Variants in FSIP2 observed in about 807,000 individuals in gnomAD.
FSIP2 encodes the protein fibrous sheath-interacting protein 2.
A neutral mutation model predicts 510.5 loss-of-function variants in FSIP2; 367 were observed. The ratio of observed to expected loss-of-function variants is 0.72; its 90% CI spans 0.66 to 0.78. The LOEUF is 0.78. Among genes scored for constraint, FSIP2 ranks in the 30% least tolerant of loss-of-function variants. The pLI is 0.00. For synonymous variants in FSIP2, 2,601 were observed against 2,732.2 expected, an observed-to-expected ratio of 0.95 and a Z score of 1.50; for missense variants, 7,594 against 7,901.7, an observed-to-expected ratio of 0.96 and a Z score of 1.48.
Position 185,803,606 on chromosome 2 carries a change from G to A in FSIP2, c.14300G>A (p.Arg4767Lys). Residue 4767 changes from arginine (R) to lysine (K), a missense_variant, in exon 17 of 23, where the codon AGA becomes AAA. Physicochemically the swap from Arg to Lys is conservative, Grantham distance 26. Transcript: ENST00000424728. ...CTCAGTGCAAATGTTTTAATACAAA[G>A]AGTTCAATATGATATAAGTAAATCA... is the stretch of plus-strand genomic sequence containing the variant. ...SKLSANVLIQ[R>K]VQYDISKSRF... 1 of 1,530,862 alleles carries A rather than the reference G, an allele frequency of 6.5e-7. No homozygotes were observed. Among genetic ancestry groups the A allele is most frequent in the Admixed American group, 2.0e-5 (1 of 50,578 alleles). 94.8% of individuals were successfully genotyped at this position (1,530,862 alleles called of 1,614,324 possible).
chr2:185,746,824 A>G lies in FSIP2; in HGVS notation c.759+14A>G, dbSNP rs1044874535. The stretch of plus-strand genomic sequence containing the variant: ...AAAATAGAAGAGGTGAGAGACAACA[A>G]CTTTAAAATATTAACAGAAAAATTG... On this transcript the variant is annotated intron_variant, in intron 6 of 22. Transcript: ENST00000424728. The G allele has an allele frequency of 4.4e-5, 66 of 1,484,426 alleles. No homozygotes were observed. Among genetic ancestry groups the G allele is most frequent in the Middle Eastern group, 1.7e-4 (1 of 5,742 alleles). The allele number at this position is 1,484,426 out of a possible 1,614,324, so 92.0% of individuals were successfully genotyped here. A position where few individuals can be genotyped will look rare whatever the true frequency, so the allele number is the denominator to read the frequency against.
intron 11 of FSIP2, among the ~76,000 whole-genome samples, chr2:185,762,595 C>T (rs374195255): frequency 1.3e-5 from 2 of 151,556 alleles, no homozygotes; most frequent in Admixed American, 6.6e-5. Flanking sequence ...AGGCACAAAA[C>T]CTAAGTTGCC....
Position 185,800,121 on chromosome 2 carries a change from G to A in FSIP2, c.10815G>A (p.Gln3605=). 1 of 1,533,992 alleles carries A rather than the reference G, an allele frequency of 6.5e-7. No homozygotes were observed. Among genetic ancestry groups the A allele is most frequent in the Non-Finnish European group, 8.7e-7 (1 of 1,145,568 alleles). The part of the protein sequence containing the change: ...IVSGGFDDLF[Q]DLLVGVIHVL... ...CTGGTGGCTTTGATGACCTCTTTCA[G>A]GATCTCTTAGTAGGAGTGATTCATG... Residue 3605 remains glutamine, a synonymous_variant, in exon 17 of 23, where the codon CAG becomes CAA. Transcript: ENST00000424728.
At chr2:185,773,355 G>T (rs1221034021) in intron 13 of FSIP2, among the ~76,000 whole-genome samples, 2 of 152,132 alleles carry the variant, frequency 1.3e-5, no homozygotes, top group Non-Finnish European at 2.9e-5. Flanking sequence ...TTTCTGCTGA[G>T]AAATCTGCTG....
Position 185,807,743 on chromosome 2 carries a change from T to C in FSIP2, c.18437T>C (p.Val6146Ala), listed in dbSNP as rs769851370. ...CTAACTCCACATCAGTGTGTGGAAG[T>C]TGAAAACATCGTTGAAAAGATCCTT... is the stretch of plus-strand genomic sequence containing the variant. ...GELTPHQCVEVENIVEKILKD... is the reference protein window; with the variant it reads ...GELTPHQCVEAENIVEKILKD... Residue 6146 changes from valine (V) to alanine (A), a missense_variant, in exon 17 of 23, where the codon GTT (valine) becomes GCT (alanine). Transcript: ENST00000424728. 1.2e-6 allele frequency: 2 copies of C among 1,612,156 alleles called. No individual in the cohort carries two copies. The highest frequency in any genetic ancestry group is 1.7e-6 in the Non-Finnish European group (2 of 1,179,110).
Position 185,807,234 on chromosome 2 carries a change from G to A in FSIP2, c.17928G>A (p.Leu5976=). 6.2e-7 allele frequency: 1 copy of A among 1,606,474 alleles called. No homozygotes were observed. The highest frequency in any genetic ancestry group is 8.5e-7 in the Non-Finnish European group (1 of 1,177,690). Residue 5976 remains leucine (L), a synonymous_variant, in exon 17 of 23, where the codon TTG becomes TTA. Transcript: ENST00000424728. ...FCDEVSVSAC[L]PLESKDVVKK... The stretch of plus-strand genomic sequence containing the variant: ...ATGAGGTTTCAGTTTCAGCATGTTT[G>A]CCTCTGGAATCTAAGGATGTTGTTA...
In FSIP2 at chr2:185,803,559, G is replaced by T; in HGVS notation, c.14253G>T (p.Leu4751=). 1 of 1,532,876 alleles carries T rather than the reference G, an allele frequency of 6.5e-7. No individual in the cohort carries two copies. The highest frequency in any genetic ancestry group is 2.5e-5 in the East Asian group (1 of 40,804). 95.0% of individuals were successfully genotyped at this position (1,532,876 alleles called of 1,614,324 possible). A position where few individuals can be genotyped will look rare whatever the true frequency, so the allele number is the denominator to read the frequency against. ...TTCATCCAGATCTTATAGCAAATCT[G>T]CCTTTTAAATCACATTCCAAACTCA... ...FQIHPDLIAN[L]PFKSHSKLSA... is the part of the protein sequence containing the mutation. The change falls in exon 17 of 23, where the codon CTG becomes CTT. Residue 4751 remains leucine (L), a synonymous_variant. Coordinates refer to ENST00000424728, the MANE Select transcript of FSIP2 (RefSeq NM_173651.4).
In FSIP2 at chr2:185,802,834, G is replaced by C. The variant is rs1256967216; in HGVS notation, c.13528G>C (p.Val4510Leu). Residue 4510 changes from valine to leucine, a missense_variant, in exon 17 of 23, where the codon GTT becomes CTT. By Grantham distance (32) the Val-to-Leu change is conservative. Coordinates refer to ENST00000424728, the MANE Select transcript of FSIP2 (RefSeq NM_173651.4). ...VNFNDIASNLVSDIRMKVSQH... is the reference protein window; with the variant it reads ...VNFNDIASNLLSDIRMKVSQH... ...TTTCAATGACATTGCTTCAAACCTA[G>C]TTAGTGATATTAGGATGAAAGTTTC... The C allele has an allele frequency of 5.3e-6, 8 of 1,516,824 alleles. No individual in the cohort carries two copies. Among genetic ancestry groups the C allele is most frequent in the Non-Finnish European group, 8.8e-7 (1 of 1,139,646 alleles). The allele number at this position is 1,516,824 out of a possible 1,614,324, so 94.0% of individuals were successfully genotyped here.
At chr2:185,817,362 A>C (rs1296891311) in intron 19 of FSIP2, among the ~76,000 whole-genome samples, 1 of 152,062 alleles carries the variant, frequency 6.6e-6, no homozygotes, top group Non-Finnish European at 1.5e-5. Context: ...CAGAACCATA[A>C]ACACCTTCGG....
In FSIP2 at chr2:185,743,255, G is replaced by A; in HGVS notation, c.348G>A (p.Lys116=). 7.3e-6 allele frequency: 11 copies of A among 1,509,868 alleles called. No homozygotes were observed. Among genetic ancestry groups the A allele is most frequent in the Non-Finnish European group, 8.8e-6 (10 of 1,138,714 alleles). The allele number at this position is 1,509,868 out of a possible 1,614,324, so 93.5% of individuals were successfully genotyped here. The change falls in exon 3 of 23, where the codon AAG becomes AAA. Residue 116 remains lysine (K), a synonymous_variant. Transcript: ENST00000424728. ...ACTATAAGCGCAAAGATATTTTGAA[G>A]AGATTAAAGAAAGGTGGCTACATCA... is the stretch of plus-strand genomic sequence containing the variant. ...KAYYKRKDIL[K]RLKKGGYITS... is the part of the protein sequence containing the mutation.
chr2:185,811,325 T>G (rs1376412571), intron 17 of FSIP2, among the ~76,000 whole-genome samples: 1 of 151,654 alleles, frequency 6.6e-6, no homozygotes, highest in Admixed American at 6.6e-5. Context: ...AAAAATTAGC[T>G]GGGCATGATG....
chr2:185,820,075 TC>T (rs755482332), intron 19 of FSIP2, among the ~76,000 whole-genome samples: 1 of 151,936 alleles, frequency 6.6e-6, no homozygotes, highest in Non-Finnish European at 1.5e-5. Flanking sequence ...TTTGGCTATG[TC>T]CCCACCCAAA....
chr2:185,825,238 CAAAAA>C (rs1693994512), intron 20 of FSIP2, among the ~76,000 whole-genome samples: 1 of 151,758 alleles, frequency 6.6e-6, no homozygotes, highest in Non-Finnish European at 1.5e-5. Context: ...ATAGGTTTCA[CAAAAA>C]CCACTCCTAT....
At chr2:185,828,652 T>C (rs1694055991) in intron 21 of FSIP2, among the ~76,000 whole-genome samples, 1 of 151,876 alleles carries the variant, frequency 6.6e-6, no homozygotes, top group Admixed American at 6.6e-5. Context: ...TCTGTTTTTC[T>C]GTATTCCTAA....
chr2:185,775,533 G>C (rs905847867), intron 13 of FSIP2, among the ~76,000 whole-genome samples: 2 of 151,958 alleles, frequency 1.3e-5, no homozygotes, highest in Admixed American at 1.3e-4. Context: ...TAGGTTGCCT[G>C]TTCACTCTGA....
intron 16 of FSIP2, among the ~76,000 whole-genome samples, chr2:185,798,669 C>T (rs559523522): frequency 2.0e-5 from 3 of 151,842 alleles, no homozygotes; most frequent in South Asian, 2.1e-4. Context: ...CCAAGATGGA[C>T]GGTAATGTAG....
intron 2 of FSIP2, among the ~76,000 whole-genome samples, chr2:185,742,164 TAAAAC>T (rs1285387978): frequency 6.6e-6 from 1 of 152,188 alleles, no homozygotes; most frequent in Non-Finnish European, 1.5e-5. Flanking sequence ...CCAGCAAACT[TAAAAC>T]AGAAAGAAGA....
At position 185,807,618 on chromosome 2, in the gene FSIP2, T is replaced by C; in HGVS notation, c.18312T>C (p.Asn6104=). Residue 6104 remains asparagine (N), a synonymous_variant, in exon 17 of 23, where the codon AAT becomes AAC. Transcript: ENST00000424728. ...TTGGATCACAAGAGATTATACAAAATTGTGTAACCAGTGGATGCAAAATCC... is the reference window on the plus strand; with the variant it reads ...TTGGATCACAAGAGATTATACAAAACTGTGTAACCAGTGGATGCAAAATCC... The part of the protein sequence containing the change: ...PQFGSQEIIQ[N]CVTSGCKILS... 6.2e-7 allele frequency: 1 copy of C among 1,612,984 alleles called. No homozygotes were observed. The highest frequency in any genetic ancestry group is 2.2e-5 in the East Asian group (1 of 44,814).
chr2:185,779,743 T>C (rs887355931), intron 13 of FSIP2, among the ~76,000 whole-genome samples: 4 of 152,168 alleles, frequency 2.6e-5, no homozygotes, highest in Non-Finnish European at 5.9e-5. Flanking sequence ...TCTCCACTCA[T>C]TCCTTCTTGC....
Sources: allele counts gnomAD v4.1 joint callset (sites outside exome capture counted in the v4.1 genomes callset), GRCh38; gene constraint gnomAD v4.1.1; transcripts MANE v1.5; gene names NCBI Gene and HGNC (gene_info 2026-07-23, HGNC 2026-07-21).